Variants in ABCA7 observed in about 807,000 individuals in gnomAD.
The protein encoded by ABCA7 is ATP binding cassette subfamily A member 7.
Under a neutral mutation model 227.6 loss-of-function variants are expected in ABCA7, and 261 were observed. That is an observed-to-expected ratio of 1.15 (90% CI 1.04 to 1.27). The LOEUF (loss-of-function observed/expected upper bound fraction) is 1.27, where lower values mean the gene tolerates loss of function less well. Among genes scored for constraint, ABCA7 ranks in the 50% most tolerant of loss-of-function variants. ABCA7 has a pLI of 0.00. For missense variants in ABCA7, 3,331 were observed against 2,924.5 expected (o/e 1.14, Z -3.21); for synonymous variants, 1,488 against 1,279.7 (o/e 1.16, Z -3.47).
intron 34 of ABCA7, 97 bp from the exon 35 acceptor site, chr19:1,057,217 C>G: frequency 6.4e-7 from 1 of 1,559,752 alleles, no homozygotes; most frequent in Admixed American, 1.7e-5. Flanking sequence ...TTGTGCCTTC[C>G]TACTCAAAAA....
intron 42 of ABCA7, among the ~76,000 whole-genome samples, chr19:1,062,716 C>T (rs971934218): frequency 1.3e-4 from 19 of 151,874 alleles, no homozygotes; most frequent in African/African-American, 4.6e-4. Flanking sequence ...TTCACTGCCT[C>T]TTCCATCTGC....
chr19:1,047,121 A>G, intron 14 of ABCA7, 36 bp from the exon 15 acceptor site: 1 of 1,576,378 alleles, frequency 6.3e-7, no homozygotes, highest in Non-Finnish European at 8.6e-7. Context: ...AGGCCAATCC[A>G]GGAGCTGCAC....
chr19:1,057,921 G>A lies in ABCA7; in HGVS notation c.4887G>A (p.Ser1629=), dbSNP rs1162736363. The change falls in exon 36 of 47, where the codon TCG becomes TCA. Residue 1629 remains serine (S), a synonymous_variant. Coordinates refer to ENST00000263094, the MANE Select transcript of ABCA7 (RefSeq NM_019112.4). Reference sequence around the variant, plus strand: ...ACTCCTATTGTCCCTTCAGCTGGTCGATCACACCGCTCATGTACCCAGCCT... The same window carrying A: ...ACTCCTATTGTCCCTTCAGCTGGTCAATCACACCGCTCATGTACCCAGCCT... ...LLLLLLLYGW[S]ITPLMYPASF... The A allele has an allele frequency of 7.4e-6, 12 of 1,613,904 alleles. No individual in the cohort carries two copies. Among genetic ancestry groups the A allele is most frequent in the Middle Eastern group, 1.6e-4 (1 of 6,084 alleles).
intron 40 of ABCA7, 66 bp from the exon 41 acceptor site, chr19:1,061,716 G>GAA: frequency 1.1e-6 from 1 of 935,176 alleles, no homozygotes; most frequent in Non-Finnish European, 1.5e-6. Context: ...AAAAAAAAAA[G>GAA]AAATCAGAGA....
chr19:1,063,977 G>T lies in ABCA7; in HGVS notation c.5951+114G>T, dbSNP rs144431982. 494 of 1,386,574 alleles carry T rather than the reference G, an allele frequency of 3.6e-4. No homozygotes were observed. The African/African-American group carries it at 6.6e-3, about 18-fold the overall frequency. The allele number at this position is 1,386,574 out of a possible 1,614,324, so 85.9% of individuals were successfully genotyped here. ...GGGTCCTGGCCCTAGTGGGGCGAGG[G>T]CGCCAGGCCCCGGGGTGTAAGGACA... On this transcript the variant is annotated intron_variant, in intron 44 of 46. Coordinates refer to ENST00000263094, the MANE Select transcript of ABCA7 (RefSeq NM_019112.4).
In ABCA7 at chr19:1,052,002, T is replaced by C; in HGVS notation, c.3023T>C (p.Val1008Ala). The part of the protein sequence containing the change: ...LDEAELLGDR[V>A]AVVAGGRLCC... ...GAGGCAGAGCTGCTGGGAGACCGTG[T>C]GGCCGTGGTGGCAGGTGGCCGCTTG... The change falls in exon 22 of 47, where the codon GTG becomes GCG. Residue 1008 changes from valine (V) to alanine (A), a missense_variant. Transcript: ENST00000263094. The C allele has an allele frequency of 6.2e-7, 1 of 1,612,294 alleles. No homozygotes were observed.
chr19:1,047,742 G>A (rs1283672458), intron 16 of ABCA7, 88 bp downstream of exon 16: 2 of 1,387,152 alleles, frequency 1.4e-6, no homozygotes, highest in African/African-American at 1.5e-5. Context: ...GCCGTTTGGG[G>A]GTGGGGGGTG....
intron 37 of ABCA7, 23 bp from the exon 38 acceptor site, chr19:1,058,594 AG>A: frequency 6.2e-7 from 1 of 1,612,976 alleles, no homozygotes; most frequent in Non-Finnish European, 8.5e-7. Flanking sequence ...TCATGGACCC[AG>A]TCCCTCCTTT....
Position 1,056,005 on chromosome 19 carries a change from T to G in ABCA7, c.4239-61T>G. 6.5e-7 allele frequency: 1 copy of G among 1,539,096 alleles called. No individual in the cohort carries two copies. Among genetic ancestry groups the G allele is most frequent in the Non-Finnish European group, 8.7e-7 (1 of 1,146,320 alleles). ...ACTCCCATGCCCTCTGCCTGCCCCC[T>G]GGGAGCTCTCCCGGCCCCCCCGGCC... On this transcript the variant is annotated intron_variant, in intron 31 of 46. Coordinates refer to ENST00000263094, the MANE Select transcript of ABCA7 (RefSeq NM_019112.4). The surrounding 1 kb of genome is among the most constrained non-coding windows in gnomAD (Gnocchi z 4.3).
At chr19:1,060,207 A>ATATATATATAT in intron 40 of ABCA7, among the ~76,000 whole-genome samples, 1 of 96,768 alleles carries the variant, frequency 1.0e-5, no homozygotes, top group African/African-American at 3.5e-5. Flanking sequence ...ATATATATAT[A>ATATATATATAT]TTTTTTTTTC....
Position 1,060,875 on chromosome 19 carries a change from G to T in ABCA7, c.5464-907G>T, listed in dbSNP as rs953669320. ...GTGCTGGCCAACCTCTCTACCTTGGGCTGACTGTGCACCTAGCCTAAGTAC... is the reference window on the plus strand; with the variant it reads ...GTGCTGGCCAACCTCTCTACCTTGGTCTGACTGTGCACCTAGCCTAAGTAC... On this transcript the variant is annotated intron_variant, in intron 40 of 46. Coordinates refer to ENST00000263094, the MANE Select transcript of ABCA7 (RefSeq NM_019112.4). 3.3e-5 allele frequency among the ~76,000 whole-genome samples: 5 copies of T among 152,132 alleles called. No homozygotes were observed. The East Asian group carries it at 9.6e-4, about 29-fold the overall frequency.
In ABCA7 at chr19:1,058,316, C is replaced by T. The variant is rs759501596; in HGVS notation, c.5149+47C>T. The T allele has an allele frequency of 6.9e-6, 11 of 1,604,738 alleles. No homozygotes were observed. In the South Asian group the frequency reaches 1.2e-4, roughly 18 times the overall value. On this transcript the variant is annotated intron_variant, in intron 37 of 46. Transcript: ENST00000263094. ...GGGCCATGGCTACAGATAGCTAGCA[C>T]CCTTGGAGACCTAGAGTTAATTATA...
chr19:1,046,412 C>T lies in ABCA7; in HGVS notation c.1622+6C>T, dbSNP rs2040670568. ...CCGTGCTATGTGGACGACGTGTGAG[C>T]TCTGGCACCCCTCCCCGCTCTTCCC... is the stretch of plus-strand genomic sequence containing the variant. On this transcript the variant is annotated splice_donor_region_variant and intron_variant, in intron 13 of 46. Coordinates refer to ENST00000263094, the MANE Select transcript of ABCA7 (RefSeq NM_019112.4). 1.3e-6 allele frequency: 2 copies of T among 1,536,742 alleles called. No homozygotes were observed. Among genetic ancestry groups the T allele is most frequent in the East Asian group, 4.5e-5 (2 of 43,980 alleles).
At position 1,045,103 on chromosome 19, in the gene ABCA7, C is replaced by A. The variant is rs2144710503; in HGVS notation, c.1317C>A (p.Val439=). Residue 439 remains valine, a synonymous_variant, in exon 12 of 47, where the codon GTC becomes GTA. Coordinates refer to ENST00000263094, the MANE Select transcript of ABCA7 (RefSeq NM_019112.4). ...AACATCGATTCTGGGCCGGCGTCGT[C>A]TTCTTGGGACCTGAGGACTCTTCAG... The part of the protein sequence containing the change: ...LAEHRFWAGV[V]FLGPEDSSDP... The A allele has an allele frequency of 6.2e-7, 1 of 1,613,038 alleles. No individual in the cohort carries two copies. Among genetic ancestry groups the A allele is most frequent in the South Asian group, 1.1e-5 (1 of 91,078 alleles).
Position 1,051,148 on chromosome 19 carries a change from G to T in ABCA7, c.2685-7G>T, listed in dbSNP as rs759227799. 1.2e-6 allele frequency: 2 copies of T among 1,611,224 alleles called. No homozygotes were observed. The highest frequency in any genetic ancestry group is 1.3e-5 in the African/African-American group (1 of 75,062). On this transcript the variant is annotated splice_polypyrimidine_tract_variant and splice_region_variant and intron_variant, in intron 19 of 46. Transcript: ENST00000263094. ...GTGGGTCACTCTGCTCTGTGCACTGGCCGCAGGCTGACCGTGGACGAGCAC... is the reference window on the plus strand; with the variant it reads ...GTGGGTCACTCTGCTCTGTGCACTGTCCGCAGGCTGACCGTGGACGAGCAC...
chr19:1,043,184 C>CCTGATG lies in ABCA7; in HGVS notation c.723_724insCTGATG (p.Tyr241_Glu242insLeuMet). 6.2e-7 allele frequency: 1 copy of CCTGATG among 1,610,316 alleles called. No individual in the cohort carries two copies. The highest frequency in any genetic ancestry group is 8.5e-7 in the Non-Finnish European group (1 of 1,177,922). ...CAGTGGGCCCCTCCCTCAACTGGTA[C>CCTGATG]GAGGCTAGTGACCTGATGGAGCTGG... is the stretch of plus-strand genomic sequence containing the variant. On this transcript the variant is annotated inframe_insertion, in exon 8 of 47. Transcript: ENST00000263094.
chr19:1,051,477 C>T lies in ABCA7; in HGVS notation c.2853C>T (p.Ala951=), dbSNP rs1489351189. 1 of 1,585,174 alleles carries T rather than the reference C, an allele frequency of 6.3e-7. No homozygotes were observed. Residue 951 remains alanine (A), a synonymous_variant, in exon 21 of 47, where the codon GCC becomes GCT. Coordinates refer to ENST00000263094, the MANE Select transcript of ABCA7 (RefSeq NM_019112.4). ...GGATGCAACGGAAGCTGTCCGTGGC[C>T]ATTGCCTTTGTGGGCGGCTCCCAAG... ...SGGMQRKLSV[A]IAFVGGSQVV...
intron 18 of ABCA7, 25 bp downstream of exon 18, chr19:1,049,462 C>CT: frequency 6.9e-7 from 1 of 1,446,510 alleles, no homozygotes. Flanking sequence ...ACTCCCTCCC[C>CT]GTGAGCCCCC....
chr19:1,047,519 G>A lies in ABCA7; in HGVS notation c.2134G>A (p.Glu712Lys). ...CCTGGCTCTGCTGGAGGAGCAGGGCGAGGGCGCGCAGTGGCACAACGTGGG... is the reference window on the plus strand; with the variant it reads ...CCTGGCTCTGCTGGAGGAGCAGGGCAAGGGCGCGCAGTGGCACAACGTGGG... ...ESLALLEEQGEGAQWHNVGTR... is the reference protein window; with the variant it reads ...ESLALLEEQGKGAQWHNVGTR... Residue 712 changes from glutamate to lysine, a missense_variant, in exon 16 of 47, where the codon GAG (glutamate) becomes AAG (lysine). Coordinates refer to ENST00000263094, the MANE Select transcript of ABCA7 (RefSeq NM_019112.4). 2.5e-6 allele frequency: 4 copies of A among 1,591,054 alleles called. No individual in the cohort carries two copies. Among genetic ancestry groups the A allele is most frequent in the African/African-American group, 1.3e-5 (1 of 74,856 alleles).
Sources: allele counts gnomAD v4.1 joint callset (sites outside exome capture counted in the v4.1 genomes callset), GRCh38; gene constraint gnomAD v4.1.1; non-coding constraint Gnocchi (gnomAD v3.1); transcripts MANE v1.5; gene names NCBI Gene and HGNC (gene_info 2026-07-23, HGNC 2026-07-21).